Variants in CHAMP1 observed in about 807,000 individuals in gnomAD.
The protein encoded by CHAMP1 is chromosome alignment maintaining phosphoprotein 1.
CHAMP1 carries 4 observed loss-of-function variants against 54.5 expected under a neutral mutation model. The ratio of observed to expected loss-of-function variants is 0.07; its 90% CI spans 0.04 to 0.17. CHAMP1 has a LOEUF of 0.17. Among genes scored for constraint, CHAMP1 ranks in the 10% least tolerant of loss-of-function variants. The pLI, the probability that CHAMP1 is intolerant of heterozygous loss-of-function variation, is 1.00. For missense variants in CHAMP1, 994 were observed against 968.6 expected (o/e 1.03, Z -0.35); for synonymous variants, 368 against 342.2 (o/e 1.08, Z -0.83).
chr13:114,326,522 T>G lies in CHAMP1; in HGVS notation c.*241T>G. ...CAGATGGATTAAACTTCTCATTTCT[T>G]TTAAATATGTATGAATAATAATACA... On this transcript the variant is annotated 3_prime_UTR_variant, in exon 3 of 3. Transcript: ENST00000361283. The G allele has an allele frequency of 2.7e-6, 1 of 373,536 alleles. No individual in the cohort carries two copies. 23.1% of individuals were successfully genotyped at this position (373,536 alleles called of 1,614,324 possible). A position where few individuals can be genotyped will look rare whatever the true frequency, so the allele number is the denominator to read the frequency against.
Position 114,326,359 on chromosome 13 carries a change from A to G in CHAMP1, c.*78A>G, listed in dbSNP as rs545355043. The G allele has an allele frequency of 2.8e-6, 4 of 1,448,798 alleles. No homozygotes were observed. The South Asian group carries it at 5.8e-5, about 21-fold the overall frequency. The allele number at this position is 1,448,798 out of a possible 1,614,324, so 89.7% of individuals were successfully genotyped here. A position where few individuals can be genotyped will look rare whatever the true frequency, so the allele number is the denominator to read the frequency against. On this transcript the variant is annotated 3_prime_UTR_variant, in exon 3 of 3. Coordinates refer to ENST00000361283, the MANE Select transcript of CHAMP1 (RefSeq NM_032436.4). The stretch of plus-strand genomic sequence containing the variant: ...GTAAGTATAGCTTATCAGATAGCAT[A>G]GTTGGATCAGTAGATGACATGTATG...
rs1594129515 is a variant in CHAMP1, at chr13:114,324,473, G to A, written c.631G>A (p.Ala211Thr). Reference sequence around the variant, plus strand: ...TCCTTCTCCAGAACCACAGAAACCTGCCCCTGTATCTCCTGAGTCAGTAAA... The same window carrying A: ...TCCTTCTCCAGAACCACAGAAACCTACCCCTGTATCTCCTGAGTCAGTAAA... ...PVPSPEPQKP[A>T]PVSPESVKAT... The change falls in exon 3 of 3, where the codon GCC becomes ACC. Residue 211 changes from alanine to threonine, a missense_variant. Ala to Thr is a moderately conservative substitution (Grantham distance 58). This residue lies in a region of CHAMP1 where 851 missense variants were observed against 701.3 expected (regional missense o/e 1.21). Coordinates refer to ENST00000361283, the MANE Select transcript of CHAMP1 (RefSeq NM_032436.4). 1 of 1,614,050 alleles carries A rather than the reference G, an allele frequency of 6.2e-7. No individual in the cohort carries two copies.
rs1555379756 is a variant in CHAMP1 at position 114,325,239 on chromosome 13, C to T, written c.1397C>T (p.Pro466Leu). The stretch of plus-strand genomic sequence containing the variant: ...ACTTCTCCTGCTTCACTTGATTTCC[C>T]TGAGTCCCAGAAAAGTTCCCGTGGT... ...RKTSPASLDF[P>L]ESQKSSRGGS... The change falls in exon 3 of 3, where the codon CCT (proline) becomes CTT (leucine). Residue 466 changes from proline (P) to leucine (L), a missense_variant. Pro to Leu is a moderately conservative substitution (Grantham distance 98). Transcript: ENST00000361283. 1.2e-6 allele frequency: 2 copies of T among 1,614,178 alleles called. No individual in the cohort carries two copies. Among genetic ancestry groups the T allele is most frequent in the Admixed American group, 1.7e-5 (1 of 60,008 alleles).
At chr13:114,316,631 A>C (rs1188650539) in intron 1 of CHAMP1, among the ~76,000 whole-genome samples, 1 of 152,098 alleles carries the variant, frequency 6.6e-6, no homozygotes, top group Non-Finnish European at 1.5e-5. Flanking sequence ...TGTGTAAACT[A>C]TAGACTACTT....
At position 114,322,144 on chromosome 13, in the gene CHAMP1, A is replaced by G. The variant is rs900472054; in HGVS notation, c.-56+912A>G. The stretch of plus-strand genomic sequence containing the variant: ...CAACCTCCGACTTCTGGTCCAAGCG[A>G]TTGGCCTGCCTCAGCCTCCCAAGTA... On this transcript the variant is annotated intron_variant, in intron 2 of 2. Transcript: ENST00000361283. 3 of 148,872 alleles carry G rather than the reference A, an allele frequency of 2.0e-5. No individual in the cohort carries two copies. In the Admixed American group the frequency reaches 2.0e-4, roughly 10 times the overall value. The allele number at this position is 148,872 out of a possible 1,614,324, so 9.2% of individuals were successfully genotyped here.
In CHAMP1 at chr13:114,325,441, G is replaced by A. The variant is rs782195134; in HGVS notation, c.1599G>A (p.Glu533=). The stretch of plus-strand genomic sequence containing the variant: ...CTAGAAAACCTGCCCTGTTTCCCGA[G>A]CCTGCCAAAACAGCCCCTCCTGCTT... ...TEPRKPALFP[E]PAKTAPPASP... is the part of the protein sequence containing the mutation. The change falls in exon 3 of 3, where the codon GAG becomes GAA. Residue 533 remains glutamate (E), a synonymous_variant. Transcript: ENST00000361283. 6 of 1,614,062 alleles carry A rather than the reference G, an allele frequency of 3.7e-6. No homozygotes were observed. The highest frequency in any genetic ancestry group is 2.7e-5 in the African/African-American group (2 of 74,976).
intron 1 of CHAMP1, among the ~76,000 whole-genome samples, chr13:114,319,074 T>C (rs61502637): frequency 0.023 from 3,539 of 152,108 alleles, 134 homozygotes; most frequent in African/African-American, 0.081. Context: ...TTTGGACTAT[T>C]GTACAGGCTT....
At chr13:114,315,800 A>G (rs1468404507) in intron 1 of CHAMP1, among the ~76,000 whole-genome samples, 1 of 149,718 alleles carries the variant, frequency 6.7e-6, no homozygotes, top group African/African-American at 2.5e-5. Flanking sequence ...AACTAACTAA[A>G]TTGTGCTTTT....
At chr13:114,320,251 A>G (rs1340855993) in intron 1 of CHAMP1, among the ~76,000 whole-genome samples, 1 of 152,164 alleles carries the variant, frequency 6.6e-6, no homozygotes, top group African/African-American at 2.4e-5. Context: ...CACCCACACC[A>G]TGATGCTTTA....
chr13:114,321,008 G>T (rs1399575657), intron 1 of CHAMP1, 102 bp from the exon 2 acceptor site: 1 of 150,396 alleles, frequency 6.6e-6, no homozygotes, highest in Non-Finnish European at 1.5e-5. Context: ...TCACTGTTAG[G>T]GCAGGATGGT....
At position 114,324,694 on chromosome 13, in the gene CHAMP1, A is replaced by G. The variant is rs1357642084; in HGVS notation, c.852A>G (p.Ser284=). 1.2e-6 allele frequency: 2 copies of G among 1,613,752 alleles called. No individual in the cohort carries two copies. The highest frequency in any genetic ancestry group is 1.3e-5 in the African/African-American group (1 of 74,876). ...TSPEPRKPSP[S]ESPEPWKPFP... is the part of the protein sequence containing the mutation. ...CTGAGCCAAGGAAGCCATCCCCTTCAGAGTCTCCTGAACCTTGGAAGCCGT... is the reference window on the plus strand; with the variant it reads ...CTGAGCCAAGGAAGCCATCCCCTTCGGAGTCTCCTGAACCTTGGAAGCCGT... The change falls in exon 3 of 3, where the codon TCA becomes TCG. Residue 284 remains serine (S), a synonymous_variant. Transcript: ENST00000361283.
chr13:114,319,553 C>T lies in CHAMP1; in HGVS notation c.-178-1557C>T, dbSNP rs550365945. ...GGAAGAAGTGGGGAATTGACCAGTA[C>T]AGTTGACTCATGAATAACAGAGGTT... On this transcript the variant is annotated intron_variant, in intron 1 of 2. Transcript: ENST00000361283. Among the ~76,000 whole-genome samples the T allele has an allele frequency of 9.2e-5, 14 of 152,290 alleles. 2 individuals are homozygous for T. In the South Asian group the frequency reaches 2.5e-3, roughly 27 times the overall value.
chr13:114,317,262 T>G lies in CHAMP1; in HGVS notation c.-179+2619T>G, dbSNP rs543053612. Among the ~76,000 whole-genome samples, 6 of 152,086 alleles carry G rather than the reference T, an allele frequency of 3.9e-5. No individual in the cohort carries two copies. In the South Asian group the frequency reaches 1.2e-3, roughly 32 times the overall value. The stretch of plus-strand genomic sequence containing the variant: ...CTGGTCACGAACTCCTGTCCTCAAA[T>G]GATCCGCCTGCCTTGGCCTCCCAAA... On this transcript the variant is annotated intron_variant, in intron 1 of 2. Coordinates refer to ENST00000361283, the MANE Select transcript of CHAMP1 (RefSeq NM_032436.4).
chr13:114,322,368 T>G (rs2087185495), intron 2 of CHAMP1: 1 of 152,126 alleles, frequency 6.6e-6, no homozygotes, highest in African/African-American at 2.4e-5. Flanking sequence ...GGTTTTGTAA[T>G]TAATAAAGGG....
At chr13:114,315,608 G>A (rs780273312) in intron 1 of CHAMP1, among the ~76,000 whole-genome samples, 1 of 152,110 alleles carries the variant, frequency 6.6e-6, no homozygotes, top group African/African-American at 2.4e-5. Context: ...AACACATTAT[G>A]TTGAGTGAAA....
Position 114,325,435 on chromosome 13 carries a change from T to G in CHAMP1, c.1593T>G (p.Phe531Leu). The G allele has an allele frequency of 1.2e-6, 2 of 1,613,994 alleles. No individual in the cohort carries two copies. Among genetic ancestry groups the G allele is most frequent in the Non-Finnish European group, 1.7e-6 (2 of 1,180,028 alleles). ...CTGAGCCTAGAAAACCTGCCCTGTT[T>G]CCCGAGCCTGCCAAAACAGCCCCTC... The part of the protein sequence containing the change: ...IDTEPRKPAL[F>L]PEPAKTAPPA... Residue 531 changes from phenylalanine (F) to leucine (L), a missense_variant, in exon 3 of 3, where the codon TTT becomes TTG. By Grantham distance (22) the Phe-to-Leu change is conservative (BLOSUM62 0). Transcript: ENST00000361283.
At position 114,317,361 on chromosome 13, in the gene CHAMP1, C is replaced by G. The variant is rs899632057; in HGVS notation, c.-179+2718C>G. 2.8e-4 allele frequency among the ~76,000 whole-genome samples: 43 copies of G among 151,588 alleles called. 1 individual carries two copies. The highest frequency in any genetic ancestry group is 9.2e-4 in the African/African-American group (38 of 41,390). The stretch of plus-strand genomic sequence containing the variant: ...TTCTTAAAGGCCAGGCATGGTAGCT[C>G]ACACCTGTAATCCCAGCACTTTGAG... On this transcript the variant is annotated intron_variant, in intron 1 of 2. Transcript: ENST00000361283.
At position 114,323,825 on chromosome 13, in the gene CHAMP1, T is replaced by C. The variant is rs1399066677; in HGVS notation, c.-18T>C. 4 of 1,577,432 alleles carry C rather than the reference T, an allele frequency of 2.5e-6. No individual in the cohort carries two copies. The African/African-American group carries it at 5.5e-5, about 22-fold the overall frequency. On this transcript the variant is annotated 5_prime_UTR_variant, in exon 3 of 3. Coordinates refer to ENST00000361283, the MANE Select transcript of CHAMP1 (RefSeq NM_032436.4). ...TTTTTAAAGAATATAACCGTGTGTG[T>C]TGGTAACAGACAGAAGAATGGAAGC...
rs369085750 is a variant in CHAMP1 at position 114,314,829 on chromosome 13, C to A, written c.-179+186C>A. Reference sequence around the variant, plus strand: ...GCCCCCACAGGCCGGGGCGGGAGTGCGTCTTTGTGCAGGGAGCGGGGAGGC... The same window carrying A: ...GCCCCCACAGGCCGGGGCGGGAGTGAGTCTTTGTGCAGGGAGCGGGGAGGC... On this transcript the variant is annotated intron_variant, in intron 1 of 2. Transcript: ENST00000361283. 6.6e-5 allele frequency among the ~76,000 whole-genome samples: 10 copies of A among 152,282 alleles called. 1 individual carries two copies. The South Asian group carries it at 1.4e-3, about 22-fold the overall frequency.
Sources: allele counts gnomAD v4.1 joint callset (sites outside exome capture counted in the v4.1 genomes callset), GRCh38; gene constraint gnomAD v4.1.1; regional missense constraint gnomAD v4.1.1; transcripts MANE v1.5; gene names NCBI Gene and HGNC (gene_info 2026-07-23, HGNC 2026-07-21).